FMN1: variants seen among roughly 807,000 people sequenced by gnomAD.
The protein encoded by FMN1 is formin 1, also known as formin-1.
A neutral mutation model predicts 132.4 loss-of-function variants in FMN1; 110 were observed. That is an observed-to-expected ratio of 0.83 (90% confidence interval 0.71 to 0.97). FMN1 has a LOEUF of 0.97. FMN1 is among the 50% of genes least tolerant of loss of function. The probability of loss-of-function intolerance (pLI) is 0.00; values close to 1 mark genes in which losing one functional copy is unlikely to be tolerated. For missense variants in FMN1, 1,792 were observed against 1,705.3 expected (o/e 1.05, Z -0.90); for synonymous variants, 722 against 651.7 (o/e 1.11, Z -1.64).
intron 6 of FMN1, among the ~76,000 whole-genome samples, chr15:33,024,957 G>C (rs1373945568): frequency 6.6e-6 from 1 of 152,042 alleles, no homozygotes; most frequent in African/African-American, 2.4e-5. Flanking sequence ...GAGAGAAAAA[G>C]CTGCCAAAAA....
Position 32,926,265 on chromosome 15 carries a change from A to C in FMN1, c.3139-4T>G. The stretch of plus-strand genomic sequence containing the variant: ...TTCCATCCAACAATTTGATGATCTA[A>C]AATTAGAAAAAAAAAAAAAAGAATA... On this transcript the variant is annotated splice_polypyrimidine_tract_variant and splice_region_variant and intron_variant, in intron 9 of 20. Transcript: ENST00000616417. The C allele has an allele frequency of 6.8e-7, 1 of 1,470,262 alleles. No individual in the cohort carries two copies. The highest frequency in any genetic ancestry group is 2.3e-5 in the East Asian group (1 of 42,888). 91.1% of individuals were successfully genotyped at this position (1,470,262 alleles called of 1,614,324 possible). A position where few individuals can be genotyped will look rare whatever the true frequency, so the allele number is the denominator to read the frequency against.
chr15:32,996,451 A>G (rs2033774733), intron 7 of FMN1, among the ~76,000 whole-genome samples: 2 of 152,204 alleles, frequency 1.3e-5, no homozygotes, highest in African/African-American at 4.8e-5. Context: ...CCACCCAAAG[A>G]TAGATCAGAG....
At chr15:32,957,208 A>C (rs2140537077) in intron 9 of FMN1, among the ~76,000 whole-genome samples, 1 of 152,230 alleles carries the variant, frequency 6.6e-6, no homozygotes, top group East Asian at 1.9e-4. Context: ...ATGGCATCTC[A>C]AAAAAGGAGG....
chr15:32,827,975 T>A (rs138424437), intron 17 of FMN1, among the ~76,000 whole-genome samples: 1 of 152,018 alleles, frequency 6.6e-6, no homozygotes. Flanking sequence ...TTCACACAAC[T>A]GAATAATGTA....
intron 4 of FMN1, among the ~76,000 whole-genome samples, chr15:33,145,123 T>C (rs1595563350): frequency 1.3e-5 from 2 of 152,264 alleles, no homozygotes; most frequent in African/African-American, 4.8e-5. Context: ...AGAAATCATG[T>C]GTGCTCGTGG....
intron 18 of FMN1, 123 bp downstream of exon 18, chr15:32,804,158 C>T: frequency 2.8e-6 from 2 of 703,934 alleles, no homozygotes; most frequent in Non-Finnish European, 4.8e-6. Flanking sequence ...TATAAAGTTT[C>T]AGTTGGGGAA....
Position 33,007,655 on chromosome 15 carries a change from C to T in FMN1, c.2223+359G>A, listed in dbSNP as rs562912880. ...TAAGAAACATACAGACATGAACACC[C>T]GAACAAGAGGAAGCTGAACAAAAAT... is the stretch of plus-strand genomic sequence containing the variant. On this transcript the variant is annotated intron_variant, in intron 7 of 20. Coordinates refer to ENST00000616417, the MANE Select transcript of FMN1 (RefSeq NM_001277313.2). Among the ~76,000 whole-genome samples the T allele has an allele frequency of 2.6e-5, 4 of 152,012 alleles. No individual in the cohort carries two copies. The South Asian group carries it at 6.2e-4, about 24-fold the overall frequency.
intron 17 of FMN1, among the ~76,000 whole-genome samples, chr15:32,855,157 T>TAAAAAAAAAAAAAAAA (rs750275479): frequency 1.2e-5 from 1 of 85,542 alleles, no homozygotes; most frequent in African/African-American, 4.0e-5. Context: ...ACGTGGAGAG[T>TAAAAAAAAAAAAAAAA]AAAAAAAAAA....
intron 17 of FMN1, among the ~76,000 whole-genome samples, chr15:32,829,999 A>G (rs1397936526): frequency 6.6e-6 from 1 of 152,162 alleles, no homozygotes; most frequent in African/African-American, 2.4e-5. Context: ...CAAAATAACT[A>G]AATAAGGATT....
chr15:32,871,225 AAAC>A (rs532113056), intron 16 of FMN1, among the ~76,000 whole-genome samples: 4 of 152,210 alleles, frequency 2.6e-5, no homozygotes, highest in Non-Finnish European at 5.9e-5. Context: ...ACAGCAGAAA[AAAC>A]AAATCGGTCA....
chr15:33,016,154 T>C (rs1474012572), intron 6 of FMN1, among the ~76,000 whole-genome samples: 1 of 152,186 alleles, frequency 6.6e-6, no homozygotes, highest in Non-Finnish European at 1.5e-5. Context: ...ATAGTATAAA[T>C]ATGTATCAAA....
chr15:33,098,405 T>G (rs1009712341), intron 4 of FMN1, among the ~76,000 whole-genome samples: 1 of 152,122 alleles, frequency 6.6e-6, no homozygotes, highest in South Asian at 2.1e-4. Flanking sequence ...CACCTCCCCC[T>G]CTCTAGGCTT....
At chr15:32,910,237 C>T (rs979067734) in intron 11 of FMN1, among the ~76,000 whole-genome samples, 9 of 152,200 alleles carry the variant, frequency 5.9e-5, no homozygotes, top group Admixed American at 3.9e-4. Context: ...AAATGGTGTC[C>T]ACCTGAGATG....
At chr15:32,903,596 T>C (rs1176205779) in intron 12 of FMN1, among the ~76,000 whole-genome samples, 1 of 152,196 alleles carries the variant, frequency 6.6e-6, no homozygotes, top group African/African-American at 2.4e-5. Flanking sequence ...GTACACTTCC[T>C]ATCACAGTGA....
At chr15:33,107,193 C>G (rs920225336) in intron 4 of FMN1, among the ~76,000 whole-genome samples, 5 of 152,032 alleles carry the variant, frequency 3.3e-5, no homozygotes, top group Non-Finnish European at 7.4e-5. Context: ...CCTGTTTGCT[C>G]TACCACCAAA....
At chr15:33,058,776 A>G (rs1481101220) in intron 6 of FMN1, among the ~76,000 whole-genome samples, 4 of 152,150 alleles carry the variant, frequency 2.6e-5, no homozygotes, top group Admixed American at 1.3e-4. Context: ...TTATTGACAA[A>G]TCATAGTTGT....
chr15:32,864,916 T>G (rs1432920090), intron 16 of FMN1, among the ~76,000 whole-genome samples: 1 of 152,178 alleles, frequency 6.6e-6, no homozygotes, highest in Non-Finnish European at 1.5e-5. Context: ...AATGAAATAT[T>G]TGGCCATTAA....
chr15:32,838,271 A>C (rs970005149), intron 17 of FMN1, among the ~76,000 whole-genome samples: 2 of 152,106 alleles, frequency 1.3e-5, no homozygotes, highest in Non-Finnish European at 2.9e-5. Flanking sequence ...TAAAAGCGGA[A>C]GGGGAGAAAG....
At chr15:32,978,828 T>C (rs1202361221) in intron 7 of FMN1, among the ~76,000 whole-genome samples, 1 of 152,234 alleles carries the variant, frequency 6.6e-6, no homozygotes, top group Non-Finnish European at 1.5e-5. Flanking sequence ...ATGATGCGGA[T>C]TCCTCAGTCA....
Sources: gnomAD v4.1 joint callset for allele counts (sites outside exome capture counted in the v4.1 genomes callset) on GRCh38, gnomAD v4.1.1 for gene constraint, MANE v1.5 for transcripts, NCBI Gene and HGNC (gene_info 2026-07-23, HGNC 2026-07-21) for gene names.